Variants in ATP8B1 observed in about 807,000 individuals in gnomAD.
ATP8B1 encodes phospholipid-transporting ATPase IC.
ATP8B1 carries 80 observed loss-of-function variants against 149.9 expected under a neutral mutation model. The observed-to-expected ratio is 0.53, with a 90% CI of 0.45 to 0.64. The LOEUF (loss-of-function observed/expected upper bound fraction) is 0.64, where lower values mean the gene tolerates loss of function less well. ATP8B1 is among the 30% of genes least tolerant of loss of function. The pLI is 0.00. For synonymous variants in ATP8B1, 536 were observed against 562.8 expected (o/e 0.95, Z 0.67); for missense variants, 1,247 against 1,552.6 (o/e 0.80, Z 3.31).
At chr18:57,709,080 G>C (rs1913563808) in intron 2 of ATP8B1, among the ~76,000 whole-genome samples, 1 of 152,216 alleles carries the variant, frequency 6.6e-6, no homozygotes, top group Non-Finnish European at 1.5e-5. Context: ...TTAGAAATCT[G>C]ACTGCAGTCA....
intron 1 of ATP8B1, chr18:57,738,133 G>A (rs1173141886): frequency 6.6e-6 from 1 of 152,150 alleles, no homozygotes; most frequent in Non-Finnish European, 1.5e-5. Context: ...GATCCCTAAG[G>A]TCAGGTGCTG....
chr18:57,750,273 A>C (rs919329257), intron 1 of ATP8B1, among the ~76,000 whole-genome samples: 3 of 152,204 alleles, frequency 2.0e-5, no homozygotes, highest in Non-Finnish European at 4.4e-5. Flanking sequence ...CTAGGGGTTT[A>C]AATAGTCCCT....
At chr18:57,771,984 A>G (rs1415711208) in intron 1 of ATP8B1, among the ~76,000 whole-genome samples, 2 of 152,212 alleles carry the variant, frequency 1.3e-5, no homozygotes, top group African/African-American at 2.4e-5. Flanking sequence ...TATACTCCTA[A>G]AAAACATGTT....
At chr18:57,758,870 T>C (rs2080113693) in intron 1 of ATP8B1, among the ~76,000 whole-genome samples, 1 of 151,290 alleles carries the variant, frequency 6.6e-6, no homozygotes, top group Non-Finnish European at 1.5e-5. Context: ...TTAAAAGAAA[T>C]CCATAGGCCG....
rs530785078 is a variant in ATP8B1, at chr18:57,687,675, A to G, written c.1429+624T>C. 2.0e-5 allele frequency among the ~76,000 whole-genome samples: 3 copies of G among 152,248 alleles called. No individual in the cohort carries two copies. In the South Asian group the frequency reaches 6.2e-4, roughly 32 times the overall value. ...GCTATTGTGAATAATGCTGCTATGA[A>G]CATAGGTGTACAAATATCTCTTTGA... On this transcript the variant is annotated intron_variant, in intron 13 of 27. Transcript: ENST00000648908.
At chr18:57,759,628 T>C in intron 1 of ATP8B1, among the ~76,000 whole-genome samples, 1 of 150,930 alleles carries the variant, frequency 6.6e-6, no homozygotes, top group East Asian at 1.9e-4. Context: ...GCTAACACAA[T>C]GAAACCCCAT....
chr18:57,754,434 T>C (rs2080057523), intron 1 of ATP8B1, among the ~76,000 whole-genome samples: 1 of 80,938 alleles, frequency 1.2e-5, no homozygotes, highest in Non-Finnish European at 2.6e-5. Flanking sequence ...TGAGACTCTG[T>C]CTAACAAAAA....
chr18:57,707,028 C>T lies in ATP8B1; in HGVS notation c.182-441G>A, dbSNP rs144473036. 5.1e-4 allele frequency among the ~76,000 whole-genome samples: 78 copies of T among 152,292 alleles called. No individual in the cohort carries two copies. In the East Asian group the frequency reaches 0.01, roughly 20 times the overall value. ...TCAGGAAGAAAATGAGGAAGCAGGCCGGGCGCGGTGGCTCACGCCTGTAAT... is the reference window on the plus strand; with the variant it reads ...TCAGGAAGAAAATGAGGAAGCAGGCTGGGCGCGGTGGCTCACGCCTGTAAT... On this transcript the variant is annotated intron_variant, in intron 2 of 27. Coordinates refer to ENST00000648908, the MANE Select transcript of ATP8B1 (RefSeq NM_001374385.1).
In ATP8B1 at chr18:57,684,070, T is replaced by C. The variant is rs747482380; in HGVS notation, c.1596A>G (p.Ala532=). 13 of 1,614,000 alleles carry C rather than the reference T, an allele frequency of 8.1e-6. No individual in the cohort carries two copies. Among genetic ancestry groups the C allele is most frequent in the Non-Finnish European group, 1.1e-5 (13 of 1,180,034 alleles). ...PEVRQFFFLL[A]VCHTVMVDRT... ...TATCCACCATGACTGTGTGGCAAACTGCGAGCAAGAAGAAGAACTGTCGTA... is the reference window on the plus strand; with the variant it reads ...TATCCACCATGACTGTGTGGCAAACCGCGAGCAAGAAGAAGAACTGTCGTA... Residue 532 remains alanine, a synonymous_variant, in exon 15 of 28, where the codon GCA becomes GCG. Transcript: ENST00000648908.
At chr18:57,758,737 A>C (rs781516705) in intron 1 of ATP8B1, among the ~76,000 whole-genome samples, 95 of 151,734 alleles carry the variant, frequency 6.3e-4, no homozygotes, top group Non-Finnish European at 1.1e-3. Flanking sequence ...GTTCTTTTGC[A>C]CTTAGCTTTT....
intron 11 of ATP8B1, 136 bp from the exon 12 acceptor site, chr18:57,692,133 TAAA>T (rs1912564344): frequency 7.3e-7 from 1 of 1,378,600 alleles, no homozygotes; most frequent in African/African-American, 1.5e-5. Flanking sequence ...ATATGTCAAA[TAAA>T]AACAGCACTA....
rs139724269 is a variant in ATP8B1 at position 57,779,594 on chromosome 18, C to T, written c.-26+23404G>A. Among the ~76,000 whole-genome samples, 639 of 152,230 alleles carry T rather than the reference C, an allele frequency of 4.2e-3. 6 individuals carry two copies. Among genetic ancestry groups the T allele is most frequent in the African/African-American group, 0.014 (594 of 41,552 alleles). Reference sequence around the variant, plus strand: ...TTTTAGTATAATTATCCATTCTTAACTTGTGTAATGAAAGAAAAAATAGGG... The same window carrying T: ...TTTTAGTATAATTATCCATTCTTAATTTGTGTAATGAAAGAAAAAATAGGG... On this transcript the variant is annotated intron_variant, in intron 1 of 27. Transcript: ENST00000648908.
chr18:57,698,635 G>T (rs535282361), intron 6 of ATP8B1, among the ~76,000 whole-genome samples: 1 of 152,040 alleles, frequency 6.6e-6, no homozygotes, highest in African/African-American at 2.4e-5. Context: ...TCACCTGGCC[G>T]GTTAACTTCT....
At chr18:57,653,682 CTTTTTTT>C (rs71171057) in intron 24 of ATP8B1, among the ~76,000 whole-genome samples, 82 of 117,818 alleles carry the variant, frequency 7.0e-4, no homozygotes, top group African/African-American at 2.0e-3. Context: ...CCTCTTTTCT[CTTTTTTT>C]TTTTTTTTTT....
chr18:57,716,017 G>A (rs1294805467), intron 2 of ATP8B1, among the ~76,000 whole-genome samples: 1 of 152,088 alleles, frequency 6.6e-6, no homozygotes, highest in East Asian at 1.9e-4. Flanking sequence ...AAAAAATAGT[G>A]ACTAGAACAA....
intron 2 of ATP8B1, among the ~76,000 whole-genome samples, chr18:57,717,034 C>T (rs2079589356): frequency 6.6e-6 from 1 of 151,958 alleles, no homozygotes; most frequent in Admixed American, 6.6e-5. Context: ...GGAAACTATA[C>T]AAAAACATGG....
At position 57,684,028 on chromosome 18, in the gene ATP8B1, A is replaced by T; in HGVS notation, c.1630+8T>A. On this transcript the variant is annotated splice_region_variant and intron_variant, in intron 15 of 27. Coordinates refer to ENST00000648908, the MANE Select transcript of ATP8B1 (RefSeq NM_001374385.1). ...CTCTAATGCCTGAGATGCCAGAGAA[A>T]CACTCACCATCAGTCCTATCCACCA... The T allele has an allele frequency of 1.9e-6, 3 of 1,614,184 alleles. No individual in the cohort carries two copies. The highest frequency in any genetic ancestry group is 2.5e-6 in the Non-Finnish European group (3 of 1,180,022).
chr18:57,704,689 C>A, intron 3 of ATP8B1, 21 bp from the exon 4 acceptor site: 1 of 1,453,888 alleles, frequency 6.9e-7, no homozygotes, highest in South Asian at 1.1e-5. Flanking sequence ...AAATAAGAGT[C>A]ATTCTAAATG....
At chr18:57,791,346 C>CTTTTTTTTTTTTTTTTTTTTTTTTTTT (rs1473257768) in intron 1 of ATP8B1, among the ~76,000 whole-genome samples, 4 of 124,970 alleles carry the variant, frequency 3.2e-5, no homozygotes, top group African/African-American at 1.4e-4. Flanking sequence ...TTTTTCTTTT[C>CTTTTTTTTTTTTTTTTTTTTTTTTTTT]TTTTCTTTTT....
Sources: gnomAD v4.1 joint callset for allele counts (sites outside exome capture counted in the v4.1 genomes callset) on GRCh38, gnomAD v4.1.1 for gene constraint, MANE v1.5 for transcripts, NCBI Gene and HGNC (gene_info 2026-07-23, HGNC 2026-07-21) for gene names.